Variants in SLC71A2 observed in about 807,000 individuals in gnomAD.
SLC71A2 encodes hippocampus abundant transcript-like 1.
the SLC71A2 span, among the ~76,000 whole-genome samples, chr9:94,424,918 T>TAAA: frequency 1.0e-4 from 15 of 148,016 alleles, no homozygotes; most frequent in East Asian, 4.0e-4. Context: ...TTTTTTTTTT[T>TAAA]AAATAATAAA....
chr9:94,396,679 A>G, the SLC71A2 span, among the ~76,000 whole-genome samples: 3 of 152,240 alleles, frequency 2.0e-5, no homozygotes, highest in Admixed American at 6.5e-5. Flanking sequence ...TAAATGAACA[A>G]GCACTGCTAA....
At chr9:94,377,717 T>C in the SLC71A2 span, among the ~76,000 whole-genome samples, 1 of 151,632 alleles carries the variant, frequency 6.6e-6, no homozygotes. Context: ...CAAAGAGATA[T>C]ATTGACCAGA....
the SLC71A2 span, among the ~76,000 whole-genome samples, chr9:94,391,161 G>A: frequency 6.8e-6 from 1 of 147,032 alleles, no homozygotes; most frequent in Non-Finnish European, 1.5e-5. Context: ...AGGATTGCTG[G>A]AGCCCCAGAA....
chr9:94,455,156 C>CTTTTTTTTTTTTTTTTT, the SLC71A2 span, among the ~76,000 whole-genome samples: 3 of 27,688 alleles, frequency 1.1e-4, no homozygotes, highest in African/African-American at 5.2e-4. Context: ...TTGCTCTTTC[C>CTTTTTTTTTTTTTTTTT]TTTTTTTTTT....
the SLC71A2 span, chr9:94,415,294 G>A: frequency 1.4e-6 from 2 of 1,403,008 alleles, no homozygotes; most frequent in Non-Finnish European, 2.0e-6. Context: ...GTAAGAGAAA[G>A]AGATAAGTTC....
At chr9:94,404,721 A>C in the SLC71A2 span, among the ~76,000 whole-genome samples, 5 of 152,100 alleles carry the variant, frequency 3.3e-5, no homozygotes, top group East Asian at 9.6e-4. Context: ...AAAGTTTATT[A>C]TATATTCTAG....
the SLC71A2 span, among the ~76,000 whole-genome samples, chr9:94,457,949 G>T: frequency 1.3e-5 from 2 of 152,138 alleles, no homozygotes; most frequent in Admixed American, 6.5e-5. Flanking sequence ...CTGCCTACTG[G>T]GGACTGGTCT....
At chr9:94,436,737 G>A in the SLC71A2 span, among the ~76,000 whole-genome samples, 2 of 152,112 alleles carry the variant, frequency 1.3e-5, no homozygotes, top group Non-Finnish European at 2.9e-5. Context: ...GGGTTAATCA[G>A]TTGGTGGCTG....
chr9:94,446,759 C>T, the SLC71A2 span: 1 of 832,110 alleles, frequency 1.2e-6, no homozygotes, highest in Non-Finnish European at 2.0e-6. Context: ...AGCTGATGTC[C>T]CAGAACATTG....
chr9:94,437,956 TTTGCTC>T, the SLC71A2 span, among the ~76,000 whole-genome samples: 1 of 151,396 alleles, frequency 6.6e-6, no homozygotes, highest in Non-Finnish European at 1.5e-5. Flanking sequence ...AGACAACAGT[TTTGCTC>T]TTGTTGCCCA....
the SLC71A2 span, among the ~76,000 whole-genome samples, chr9:94,402,599 T>A: frequency 6.6e-6 from 1 of 152,212 alleles, no homozygotes; most frequent in Admixed American, 6.5e-5. Flanking sequence ...GTTCTTAAGT[T>A]CTTTATCAGA....
the SLC71A2 span, among the ~76,000 whole-genome samples, chr9:94,421,724 T>C: frequency 5.3e-5 from 8 of 152,232 alleles, no homozygotes; most frequent in South Asian, 6.2e-4. Flanking sequence ...TTGAACTTGA[T>C]TGTTCCAGTT....
At chr9:94,434,448 C>T in the SLC71A2 span, among the ~76,000 whole-genome samples, 27 of 152,186 alleles carry the variant, frequency 1.8e-4, no homozygotes, top group African/African-American at 6.5e-4. Context: ...TCCCAAGTAG[C>T]TGAGATTACA....
the SLC71A2 span, among the ~76,000 whole-genome samples, chr9:94,377,646 G>T: frequency 6.6e-6 from 1 of 151,358 alleles, no homozygotes; most frequent in East Asian, 1.9e-4. Flanking sequence ...GCCTCCCAGT[G>T]CTGGGATTAT....
the SLC71A2 span, among the ~76,000 whole-genome samples, chr9:94,404,589 C>T: frequency 1.3e-5 from 2 of 152,138 alleles, no homozygotes; most frequent in South Asian, 2.1e-4. Context: ...CATGAGCCAC[C>T]GCGCCCGGCC....
At chr9:94,439,106 C>A in the SLC71A2 span, among the ~76,000 whole-genome samples, 1 of 143,610 alleles carries the variant, frequency 7.0e-6, no homozygotes, top group Admixed American at 7.2e-5. Context: ...ACTGCAACCT[C>A]CGCCTCCCAG....
At chr9:94,383,014 T>TA in the SLC71A2 span, among the ~76,000 whole-genome samples, 2 of 152,066 alleles carry the variant, frequency 1.3e-5, no homozygotes, top group Admixed American at 1.3e-4. Flanking sequence ...TTATGGAAGC[T>TA]TTATAGTTTT....
the SLC71A2 span, among the ~76,000 whole-genome samples, chr9:94,442,322 C>T: frequency 0.51 from 76,645 of 151,452 alleles, 19,529 homozygotes; most frequent in Admixed American, 0.6. Context: ...CAATTTTTAA[C>T]TTGTTGACTT....
the SLC71A2 span, chr9:94,459,625 C>CAAGATAAGATTTG: frequency 2.0e-6 from 1 of 507,550 alleles, no homozygotes; most frequent in Non-Finnish European, 3.5e-6. Context: ...TACATTAGAA[C>CAAGATAAGATTTG]AAGATAAGAT....
Sources: gnomAD v4.1 joint callset for allele counts (sites outside exome capture counted in the v4.1 genomes callset) on GRCh38, gnomAD v4.1.1 for gene constraint, MANE v1.5 for transcripts, NCBI Gene and HGNC (gene_info 2026-07-23, HGNC 2026-07-21) for gene names.